The following FUBP3 variants were observed in gnomAD, a reference collection of about 807,000 sequenced individuals.
The protein encoded by FUBP3 is far upstream element binding protein 3.
Under a neutral mutation model 85.6 loss-of-function variants are expected in FUBP3, and 28 were observed. The ratio of observed to expected loss-of-function variants is 0.33; its 90% CI spans 0.24 to 0.45. The LOEUF is 0.45. Ranked by LOEUF, FUBP3 falls within the 20% of genes least tolerant of loss-of-function variation. The pLI, the probability that FUBP3 is intolerant of heterozygous loss-of-function variation, is 1.00. For synonymous variants in FUBP3, 271 were observed against 271.4 expected (o/e 1.00, Z 0.01); for missense variants, 583 against 755.1 (o/e 0.77, Z 2.67).
At chr9:130,582,948 AC>A (rs1242150873) in intron 1 of FUBP3, among the ~76,000 whole-genome samples, 1 of 152,208 alleles carries the variant, frequency 6.6e-6, no homozygotes, top group Non-Finnish European at 1.5e-5. Context: ...ACTTTTTAGG[AC>A]TTTAAAAAGC....
intron 2 of FUBP3, among the ~76,000 whole-genome samples, chr9:130,609,712 C>CA: frequency 6.6e-6 from 1 of 152,356 alleles, no homozygotes; most frequent in South Asian, 2.1e-4. Context: ...CATGTGGACA[C>CA]ACAGATCAAT....
chr9:130,610,225 A>G (rs1031862889), intron 3 of FUBP3, among the ~76,000 whole-genome samples: 10 of 152,254 alleles, frequency 6.6e-5, no homozygotes, highest in Admixed American at 6.5e-4. Flanking sequence ...CTTGTAGAAG[A>G]TTGGAGTTGC....
chr9:130,614,320 CT>C lies in FUBP3; in HGVS notation c.381del (p.Thr128ProfsTer31). ...TGGGATTCCAGAGAGGCCCTGTGTA[CT>C]TACCGGAACCCCAGAAAGTATTGAG... ...SSGIPERPCV[L>X]TGTPESIEQA... is the part of the protein sequence containing the mutation. On this transcript the variant is annotated frameshift_variant, in exon 6 of 19. Transcript: ENST00000319725. LOFTEE classifies it high-confidence loss of function. 1 of 1,603,188 alleles carries C rather than the reference CT, an allele frequency of 6.2e-7. No individual in the cohort carries two copies. Among genetic ancestry groups the C allele is most frequent in the Non-Finnish European group, 8.5e-7 (1 of 1,170,280 alleles).
In FUBP3 at chr9:130,635,962, G is replaced by A. The variant is rs566545775; in HGVS notation, c.1583-37G>A. The A allele has an allele frequency of 1.2e-5, 19 of 1,605,330 alleles. No individual in the cohort carries two copies. Among genetic ancestry groups the A allele is most frequent in the African/African-American group, 4.0e-5 (3 of 74,954 alleles). ...GAAGGGTCCTGCCCAGTGCACCTCCGCTCCCGATAACCTGTGTTTCCTCCT... is the reference window on the plus strand; with the variant it reads ...GAAGGGTCCTGCCCAGTGCACCTCCACTCCCGATAACCTGTGTTTCCTCCT... On this transcript the variant is annotated intron_variant, in intron 17 of 18. Coordinates refer to ENST00000319725, the MANE Select transcript of FUBP3 (RefSeq NM_003934.2). This position sits in a 1 kb window ranked among gnomAD's most constrained non-coding sequence, Gnocchi z 4.3.
At position 130,634,735 on chromosome 9, in the gene FUBP3, C is replaced by T; in HGVS notation, c.1579C>T (p.Gln527Ter). The T allele has an allele frequency of 6.2e-7, 1 of 1,612,686 alleles. No homozygotes were observed. Among genetic ancestry groups the T allele is most frequent in the Non-Finnish European group, 8.5e-7 (1 of 1,178,958 alleles). The stretch of plus-strand genomic sequence containing the variant: ...GGCCTGGGAAGACTATTACAAAAAA[C>T]AGAGTGAGTGCCCGGCCCTCCTAAC... ...SKAWEDYYKK[Q>*]SHAASAAPQA... is the part of the protein sequence containing the mutation. The change falls in exon 17 of 19, where the codon CAG becomes TAG. Residue 527 changes from glutamine (Q) to a stop codon, truncating the protein, a stop_gained. Coordinates refer to ENST00000319725, the MANE Select transcript of FUBP3 (RefSeq NM_003934.2). LOFTEE classifies it high-confidence loss of function.
At position 130,616,531 on chromosome 9, in the gene FUBP3, G is replaced by C. The variant is rs746649146; in HGVS notation, c.567+14G>C. 2.5e-6 allele frequency: 4 copies of C among 1,603,430 alleles called. No individual in the cohort carries two copies. In the South Asian group the frequency reaches 3.3e-5, roughly 13 times the overall value. On this transcript the variant is annotated intron_variant, in intron 7 of 18. Coordinates refer to ENST00000319725, the MANE Select transcript of FUBP3 (RefSeq NM_003934.2). This position sits in a 1 kb window ranked among gnomAD's most constrained non-coding sequence, Gnocchi z 4.7. ...AAGCAGTTGCAGGTGTGTGAGCCCG[G>C]AGCACGGAGCACAGCGGCCGCTCGC...
At chr9:130,580,906 A>G (rs997916543) in intron 1 of FUBP3, 2 of 152,232 alleles carry the variant, frequency 1.3e-5, no homozygotes, top group Non-Finnish European at 2.9e-5. Context: ...CAACCAGTAC[A>G]GTAGTGAGTA....
At chr9:130,595,455 G>C (rs774377183) in intron 1 of FUBP3, 28 bp from the exon 2 acceptor site, 1 of 1,052,774 alleles carries the variant, frequency 9.5e-7, no homozygotes. Context: ...GTTTGTTACT[G>C]AGTGTTTAAA....
At chr9:130,582,827 G>A (rs1830190185) in intron 1 of FUBP3, among the ~76,000 whole-genome samples, 1 of 152,244 alleles carries the variant, frequency 6.6e-6, no homozygotes, top group Admixed American at 6.5e-5. Context: ...TGTTAGGAGA[G>A]TGTGATGCCA....
chr9:130,624,271 T>C (rs1829873967), intron 11 of FUBP3, among the ~76,000 whole-genome samples: 1 of 152,244 alleles, frequency 6.6e-6, no homozygotes. Flanking sequence ...CATGTGACCT[T>C]GGAGCTGCCT....
At chr9:130,582,996 GC>G (rs1184350080) in intron 1 of FUBP3, among the ~76,000 whole-genome samples, 1 of 152,156 alleles carries the variant, frequency 6.6e-6, no homozygotes, top group African/African-American at 2.4e-5. Flanking sequence ...CCCACTCAAT[GC>G]CTCTGGATTG....
chr9:130,620,713 C>G (rs1829711470), intron 9 of FUBP3, among the ~76,000 whole-genome samples: 1 of 152,078 alleles, frequency 6.6e-6, no homozygotes. Flanking sequence ...AACCAGTTGC[C>G]CAGGTAAAAA....
chr9:130,636,991 T>C, intron 18 of FUBP3, 23 bp from the exon 19 acceptor site: 2 of 1,610,748 alleles, frequency 1.2e-6, no homozygotes, highest in Non-Finnish European at 1.7e-6. Context: ...CACAGACTAA[T>C]TCCTCTTCCC....
At chr9:130,586,773 C>T (rs1356650079) in intron 1 of FUBP3, among the ~76,000 whole-genome samples, 1 of 113,260 alleles carries the variant, frequency 8.8e-6, no homozygotes, top group African/African-American at 3.3e-5. Context: ...TTTTTTCAGA[C>T]GGAGTCTCGC....
In FUBP3 at chr9:130,620,465, T is replaced by G; in HGVS notation, c.771+7T>G. 6.9e-7 allele frequency: 1 copy of G among 1,453,910 alleles called. No individual in the cohort carries two copies. The highest frequency in any genetic ancestry group is 9.5e-7 in the Non-Finnish European group (1 of 1,047,482). 90.1% of individuals were successfully genotyped at this position (1,453,910 alleles called of 1,614,324 possible). A position where few individuals can be genotyped will look rare whatever the true frequency, so the allele number is the denominator to read the frequency against. ...GGGAGGAGGCAGTATAGAGGTATGCTTAAATTACAGGTTAGTAGGCAAATG... is the reference window on the plus strand; with the variant it reads ...GGGAGGAGGCAGTATAGAGGTATGCGTAAATTACAGGTTAGTAGGCAAATG... On this transcript the variant is annotated splice_region_variant and intron_variant, in intron 9 of 18. Coordinates refer to ENST00000319725, the MANE Select transcript of FUBP3 (RefSeq NM_003934.2).
chr9:130,632,413 G>T, intron 16 of FUBP3, 135 bp downstream of exon 16: 1 of 689,544 alleles, frequency 1.5e-6, no homozygotes, highest in Non-Finnish European at 2.5e-6. Flanking sequence ...GGAGCCCTCT[G>T]GGTGGGGCTT....
intron 7 of FUBP3, among the ~76,000 whole-genome samples, chr9:130,617,331 G>T (rs1445012475): frequency 1.3e-5 from 2 of 152,224 alleles, no homozygotes; most frequent in African/African-American, 4.8e-5. Flanking sequence ...GGTCCTGGTT[G>T]TAAGGATGGT....
intron 12 of FUBP3, among the ~76,000 whole-genome samples, chr9:130,628,225 C>T (rs1294790803): frequency 6.6e-6 from 1 of 152,218 alleles, no homozygotes; most frequent in Admixed American, 6.5e-5. Flanking sequence ...CCCATCTTTC[C>T]TTGGCCTCTG....
chr9:130,599,246 C>G (rs953505265), intron 2 of FUBP3, among the ~76,000 whole-genome samples: 6 of 151,924 alleles, frequency 3.9e-5, no homozygotes, highest in African/African-American at 1.5e-4. Context: ...GAGCCAAGAT[C>G]GCACCACTGC....
Sources: allele counts gnomAD v4.1 joint callset (sites outside exome capture counted in the v4.1 genomes callset), GRCh38; gene constraint gnomAD v4.1.1; non-coding constraint Gnocchi (gnomAD v3.1); transcripts MANE v1.5; gene names NCBI Gene and HGNC (gene_info 2026-07-23, HGNC 2026-07-21).